The following DGKB variants were observed in gnomAD, a reference collection of about 807,000 sequenced individuals.
DGKB encodes diacylglycerol kinase beta.
DGKB carries 67 observed loss-of-function variants against 114.3 expected under a neutral mutation model. That is an observed-to-expected ratio of 0.59 (90% CI 0.48 to 0.72). DGKB has a LOEUF of 0.72. Among genes scored for constraint, DGKB ranks in the 30% least tolerant of loss-of-function variants. The pLI is 0.00. For missense variants in DGKB, 907 were observed against 975.2 expected, an observed-to-expected ratio of 0.93 and a Z score of 0.93; for synonymous variants, 398 against 323.1, an observed-to-expected ratio of 1.23 and a Z score of -2.49.
At chr7:14,648,240 T>C (rs1419890011) in intron 13 of DGKB, among the ~76,000 whole-genome samples, 1 of 152,146 alleles carries the variant, frequency 6.6e-6, no homozygotes, top group Non-Finnish European at 1.5e-5. Context: ...GACTTAAATG[T>C]CCCTGTCTGA....
At chr7:14,769,875 C>G (rs947984114) in intron 2 of DGKB, among the ~76,000 whole-genome samples, 2 of 152,008 alleles carry the variant, frequency 1.3e-5, no homozygotes, top group Non-Finnish European at 2.9e-5. Flanking sequence ...GGCTTAGAGC[C>G]TATCAGAAAT....
chr7:14,583,229 C>T (rs770935660), intron 17 of DGKB, 92 bp from the exon 18 acceptor site: 22 of 688,980 alleles, frequency 3.2e-5, no homozygotes, highest in African/African-American at 2.0e-4. Context: ...CGATGAAATA[C>T]GTTTTTATTT....
At chr7:14,789,909 G>T (rs559307046) in intron 2 of DGKB, among the ~76,000 whole-genome samples, 1 of 152,262 alleles carries the variant, frequency 6.6e-6, no homozygotes, top group South Asian at 2.1e-4. Flanking sequence ...ATTCCCACCA[G>T]CAGAGGATGA....
chr7:14,842,146 T>C (rs1483773780), intron 1 of DGKB, among the ~76,000 whole-genome samples: 1 of 152,260 alleles, frequency 6.6e-6, no homozygotes, highest in Non-Finnish European at 1.5e-5. Flanking sequence ...ATCAGCCAGA[T>C]TGGCACTGTA....
At chr7:14,916,209 TAATAA>T (rs1376501198) in intron 1 of DGKB, among the ~76,000 whole-genome samples, 1 of 151,634 alleles carries the variant, frequency 6.6e-6, no homozygotes, top group Admixed American at 6.6e-5. Context: ...TATAATAATA[TAATAA>T]AATAGAAGAA....
rs1308959880 is a variant in DGKB, at chr7:14,732,528, GA to G, written c.322+3512del. 5.2e-3 allele frequency among the ~76,000 whole-genome samples: 720 copies of G among 137,242 alleles called. 2 individuals carry two copies. Among genetic ancestry groups the G allele is most frequent in the African/African-American group, 0.014 (533 of 37,614 alleles). 90.0% of individuals were successfully genotyped at this position (137,242 alleles called of 152,430 possible). On this transcript the variant is annotated intron_variant, in intron 5 of 25. Transcript: ENST00000402815. ...TTGTCTATTGTTCCTTCTTCCTCAG[GA>G]AAAAAAAAAATAACTATCAAAGGTG...
chr7:14,427,378 G>A (rs1241861526), intron 21 of DGKB, among the ~76,000 whole-genome samples: 1 of 152,092 alleles, frequency 6.6e-6, no homozygotes. Context: ...CATTCAACAA[G>A]TCTCTAGGGA....
At chr7:14,169,898 G>T (rs769518466) in intron 25 of DGKB, among the ~76,000 whole-genome samples, 3 of 152,112 alleles carry the variant, frequency 2.0e-5, no homozygotes, top group Non-Finnish European at 4.4e-5. Context: ...ACTTTGGGCA[G>T]CCAAGGTGGG....
chr7:14,574,310 A>G lies in DGKB; in HGVS notation c.1672T>C (p.Leu558=), dbSNP rs780097964. Residue 558 remains leucine (L), a synonymous_variant, in exon 20 of 26, where the codon TTG becomes CTG. Coordinates refer to ENST00000402815, the MANE Select transcript of DGKB (RefSeq NM_001350709.2). The part of the protein sequence containing the change: ...KDIENSTEIM[L]DRWKFEVIPN... ...ATGACTTCAAACTTCCACCTGTCCA[A>G]CATGATTTCTGTGCTGTTTTCAATG... 6.2e-7 allele frequency: 1 copy of G among 1,613,436 alleles called. No homozygotes were observed. Among genetic ancestry groups the G allele is most frequent in the Admixed American group, 1.7e-5 (1 of 60,008 alleles).
At chr7:14,827,109 A>T (rs1845804464) in intron 2 of DGKB, among the ~76,000 whole-genome samples, 1 of 152,262 alleles carries the variant, frequency 6.6e-6, no homozygotes, top group African/African-American at 2.4e-5. Flanking sequence ...GAAGGGAAAC[A>T]GAAGAAAGAC....
chr7:14,218,630 G>C (rs1789401690), intron 23 of DGKB, among the ~76,000 whole-genome samples: 1 of 151,900 alleles, frequency 6.6e-6, no homozygotes, highest in Non-Finnish European at 1.5e-5. Flanking sequence ...GGAAGATAAG[G>C]GGAAGCTGAT....
At chr7:14,909,425 C>T (rs181846473) in intron 1 of DGKB, among the ~76,000 whole-genome samples, 13 of 151,954 alleles carry the variant, frequency 8.6e-5, no homozygotes, top group East Asian at 3.9e-4. Flanking sequence ...ATATTATGCA[C>T]GCACTATATT....
At chr7:14,274,968 TG>T (rs1798783052) in intron 23 of DGKB, among the ~76,000 whole-genome samples, 1 of 146,760 alleles carries the variant, frequency 6.8e-6, no homozygotes, top group African/African-American at 2.4e-5. Flanking sequence ...TGTGTGTGTG[TG>T]TGTGTTTGTG....
intron 5 of DGKB, among the ~76,000 whole-genome samples, chr7:14,728,734 C>T (rs1194645578): frequency 6.7e-6 from 1 of 149,986 alleles, no homozygotes; most frequent in African/African-American, 2.5e-5. Flanking sequence ...GATGGAGTCT[C>T]GCTCTGTCGT....
chr7:14,206,436 T>A (rs574355666), intron 23 of DGKB, among the ~76,000 whole-genome samples: 1 of 152,162 alleles, frequency 6.6e-6, no homozygotes, highest in Non-Finnish European at 1.5e-5. Context: ...AGATGAAATC[T>A]AGTGCTTAAA....
At chr7:14,798,656 A>G (rs993642972) in intron 2 of DGKB, among the ~76,000 whole-genome samples, 3 of 152,128 alleles carry the variant, frequency 2.0e-5, no homozygotes, top group Admixed American at 6.5e-5. Context: ...CTCTAAATTG[A>G]CACTAATCCC....
chr7:14,681,138 T>A (rs1820756383), intron 12 of DGKB, among the ~76,000 whole-genome samples: 4 of 151,966 alleles, frequency 2.6e-5, no homozygotes. Flanking sequence ...TTTAAAAATC[T>A]ACATGAATGT....
chr7:14,817,324 G>A (rs1490433498), intron 2 of DGKB, among the ~76,000 whole-genome samples: 4 of 152,266 alleles, frequency 2.6e-5, no homozygotes, highest in Admixed American at 2.6e-4. Flanking sequence ...TACATGTATA[G>A]TTACACCAGA....
At chr7:14,967,040 A>T (rs1787196545) in intron 1 of DGKB, among the ~76,000 whole-genome samples, 1 of 152,168 alleles carries the variant, frequency 6.6e-6, no homozygotes, top group South Asian at 2.1e-4. Context: ...TAAGCCAGTT[A>T]TTTGAAATGA....
Sources: allele counts gnomAD v4.1 joint callset (sites outside exome capture counted in the v4.1 genomes callset), GRCh38; gene constraint gnomAD v4.1.1; transcripts MANE v1.5; gene names NCBI Gene and HGNC (gene_info 2026-07-23, HGNC 2026-07-21).